Variants in MAP3K13 observed in about 807,000 individuals in gnomAD.
The protein encoded by MAP3K13 is mitogen-activated protein kinase kinase kinase 13.
In MAP3K13, 52 loss-of-function variants were observed where a neutral mutation model predicts 104.0. The observed-to-expected ratio is 0.50, with a 90% CI of 0.40 to 0.63. The LOEUF (loss-of-function observed/expected upper bound fraction) is 0.63, where lower values mean the gene tolerates loss of function less well. Among genes scored for constraint, MAP3K13 ranks in the 20% least tolerant of loss-of-function variants. MAP3K13 has a pLI of 0.00. For missense variants in MAP3K13, 914 were observed against 1,218.5 expected, an observed-to-expected ratio of 0.75 and a Z score of 3.72; for synonymous variants, 394 against 442.2, an observed-to-expected ratio of 0.89 and a Z score of 1.37.
intron 2 of MAP3K13, among the ~76,000 whole-genome samples, chr3:185,434,549 G>A (rs955354942): frequency 3.3e-5 from 5 of 152,260 alleles, no homozygotes; most frequent in Middle Eastern, 3.4e-3. Flanking sequence ...AGGTAAGAGG[G>A]TACAGAACAA....
At chr3:185,357,447 T>TAAAAAAAAAAAAA (rs71162295) in intron 2 of MAP3K13, among the ~76,000 whole-genome samples, 87 of 91,152 alleles carry the variant, frequency 9.5e-4, no homozygotes, top group Middle Eastern at 5.7e-3. Flanking sequence ...AAACTCCATC[T>TAAAAAAAAAAAAA]AAAAAAAAAA....
At chr3:185,454,635 A>G (rs1364018802) in intron 7 of MAP3K13, among the ~76,000 whole-genome samples, 1 of 25,440 alleles carries the variant, frequency 3.9e-5, no homozygotes, top group African/African-American at 7.9e-5. Flanking sequence ...AGATATATAT[A>G]TGAGATATAT....
intron 7 of MAP3K13, among the ~76,000 whole-genome samples, chr3:185,453,258 C>T (rs560379937): frequency 6.6e-6 from 1 of 152,144 alleles, no homozygotes; most frequent in Non-Finnish European, 1.5e-5. Flanking sequence ...TCTCATATAG[C>T]TTTATCTCAC....
intron 2 of MAP3K13, among the ~76,000 whole-genome samples, chr3:185,355,163 G>A (rs1352716283): frequency 6.6e-6 from 1 of 152,164 alleles, no homozygotes. Context: ...AACTCCAAAA[G>A]AGTGTAATAT....
At chr3:185,375,266 C>A (rs1169258382) in intron 1 of MAP3K13, among the ~76,000 whole-genome samples, 2 of 152,142 alleles carry the variant, frequency 1.3e-5, no homozygotes, top group African/African-American at 4.8e-5. Context: ...TTTTAGTTTC[C>A]TGACACGAGG....
chr3:185,343,393 G>T (rs1722791852), intron 2 of MAP3K13, among the ~76,000 whole-genome samples: 1 of 152,134 alleles, frequency 6.6e-6, no homozygotes, highest in African/African-American at 2.4e-5. Flanking sequence ...GCAACGGAGT[G>T]CCTTGTTTTT....
At chr3:185,348,024 A>AAAG (rs1722999770) in intron 2 of MAP3K13, among the ~76,000 whole-genome samples, 1 of 151,694 alleles carries the variant, frequency 6.6e-6, no homozygotes, top group African/African-American at 2.4e-5. Context: ...AAAAAAAAAA[A>AAAG]AAAGAAAGAA....
chr3:185,393,085 G>T (rs1443664959), intron 1 of MAP3K13, among the ~76,000 whole-genome samples: 3 of 151,934 alleles, frequency 2.0e-5, no homozygotes, highest in Non-Finnish European at 4.4e-5. Context: ...AAATAATCTA[G>T]GCAAAGATGC....
At chr3:185,311,370 A>C (rs985083205) in intron 2 of MAP3K13, among the ~76,000 whole-genome samples, 2 of 152,254 alleles carry the variant, frequency 1.3e-5, no homozygotes, top group Non-Finnish European at 2.9e-5. Flanking sequence ...ATCAGATCTC[A>C]TAAGAGATTA....
Position 185,423,631 on chromosome 3 carries a change from G to C in MAP3K13, c.-85-4866G>C, listed in dbSNP as rs995049653. 6.6e-6 allele frequency among the ~76,000 whole-genome samples: 1 copy of C among 152,144 alleles called. No homozygotes were observed. The highest frequency in any genetic ancestry group is 1.5e-5 in the Non-Finnish European group (1 of 68,012). On this transcript the variant is annotated intron_variant, in intron 1 of 13. Transcript: ENST00000265026. This position sits in a 1 kb window ranked among gnomAD's most constrained non-coding sequence, Gnocchi z 4.1. ...CCTGCCCCAACCTTATATTCCCAGG[G>C]AGCTTCTCAAGGCCTAGATTTCTCC...
At chr3:185,428,340 A>C (rs1364090139) in intron 1 of MAP3K13, among the ~76,000 whole-genome samples, 157 bp from the exon 2 acceptor site, 1 of 152,142 alleles carries the variant, frequency 6.6e-6, no homozygotes. Context: ...ACTCTTCCAC[A>C]GCATAATTTT....
intron 2 of MAP3K13, among the ~76,000 whole-genome samples, chr3:185,309,512 C>CAAAAAAAAAAAA (rs66889332): frequency 4.7e-5 from 5 of 105,752 alleles, no homozygotes; most frequent in African/African-American, 1.0e-4. Context: ...CCTTGTCTCA[C>CAAAAAAAAAAAA]AAAAAAAAAA....
At chr3:185,415,834 C>G (rs572126199) in intron 1 of MAP3K13, among the ~76,000 whole-genome samples, 1 of 152,010 alleles carries the variant, frequency 6.6e-6, no homozygotes, top group Non-Finnish European at 1.5e-5. Flanking sequence ...CTGCCTGCCT[C>G]GACCTCCCAA....
intron 7 of MAP3K13, among the ~76,000 whole-genome samples, chr3:185,455,144 T>C (rs1245118920): frequency 1.0e-5 from 1 of 99,176 alleles, no homozygotes; most frequent in Admixed American, 1.5e-4. Flanking sequence ...ATATGATATA[T>C]ATGTGAGATA....
intron 2 of MAP3K13, among the ~76,000 whole-genome samples, chr3:185,300,379 G>A (rs2108679184): frequency 6.6e-6 from 1 of 151,536 alleles, no homozygotes; most frequent in South Asian, 2.1e-4. Flanking sequence ...GTAGAGATGG[G>A]GTTTCACTTG....
chr3:185,400,250 G>A (rs185466474), intron 1 of MAP3K13, among the ~76,000 whole-genome samples: 6 of 152,270 alleles, frequency 3.9e-5, no homozygotes, highest in Admixed American at 2.0e-4. Context: ...CCGCCTCCCT[G>A]CGTCTGCGCA....
At chr3:185,356,378 TTG>T (rs1723351920) in intron 2 of MAP3K13, among the ~76,000 whole-genome samples, 1 of 152,206 alleles carries the variant, frequency 6.6e-6, no homozygotes, top group Non-Finnish European at 1.5e-5. Context: ...ACTTGTTTGT[TTG>T]TGTGTTTTTT....
intron 1 of MAP3K13, among the ~76,000 whole-genome samples, chr3:185,426,210 A>G (rs1714404677): frequency 6.6e-6 from 1 of 152,098 alleles, no homozygotes; most frequent in Admixed American, 6.5e-5. Flanking sequence ...CCTCCTGAGT[A>G]GCTGGGACTA....
chr3:185,318,829 A>G (rs1721763133), intron 2 of MAP3K13, among the ~76,000 whole-genome samples: 1 of 152,192 alleles, frequency 6.6e-6, no homozygotes, highest in African/African-American at 2.4e-5. Context: ...AAACATCTGT[A>G]AGGCTTATGG....
Sources: allele counts gnomAD v4.1 joint callset (sites outside exome capture counted in the v4.1 genomes callset), GRCh38; gene constraint gnomAD v4.1.1; non-coding constraint Gnocchi (gnomAD v3.1); transcripts MANE v1.5; gene names NCBI Gene and HGNC (gene_info 2026-07-23, HGNC 2026-07-21).